The following CCDC141 variants were observed in gnomAD, a reference collection of about 807,000 sequenced individuals.
CCDC141 encodes coiled-coil domain containing 141, also known as coiled-coil domain-containing protein 141.
A neutral mutation model predicts 181.0 loss-of-function variants in CCDC141; 168 were observed. That is an observed-to-expected ratio of 0.93 (90% CI 0.82 to 1.05). The LOEUF (loss-of-function observed/expected upper bound fraction) is 1.05, where lower values mean the gene tolerates loss of function less well. CCDC141 is among the 50% of genes least tolerant of loss of function. CCDC141 has a pLI of 0.00. For missense variants in CCDC141, 1,902 were observed against 1,788.5 expected (o/e 1.06, Z -1.14); for synonymous variants, 666 against 642.3 (o/e 1.04, Z -0.56).
the CCDC141 span, among the ~76,000 whole-genome samples, chr2:178,821,915 C>A: frequency 6.6e-6 from 1 of 152,012 alleles, no homozygotes; most frequent in Non-Finnish European, 1.5e-5. Context: ...GGGTATATAC[C>A]CAAAGGACTA....
chr2:178,877,833 G>T (rs1045302567), intron 12 of CCDC141, 131 bp downstream of exon 12: 4 of 863,478 alleles, frequency 4.6e-6, no homozygotes, highest in Admixed American at 2.0e-5. Flanking sequence ...ACTGGTCTAG[G>T]TTGAATGAAG....
intron 8 of CCDC141, among the ~76,000 whole-genome samples, chr2:178,899,761 T>G (rs763843121): frequency 1.2e-4 from 19 of 152,190 alleles, no homozygotes; most frequent in Non-Finnish European, 2.2e-4. Flanking sequence ...TTTACATTGA[T>G]TTCCATTGCC....
intron 6 of CCDC141, among the ~76,000 whole-genome samples, chr2:178,923,096 A>AT (rs757686549): frequency 0.01 from 1,379 of 137,788 alleles, 16 homozygotes; most frequent in African/African-American, 0.033. Flanking sequence ...CCACCAGTTT[A>AT]TTTTTTTTTT....
At chr2:179,028,376 G>T in intron 2 of CCDC141, among the ~76,000 whole-genome samples, 1 of 152,060 alleles carries the variant, frequency 6.6e-6, no homozygotes, top group East Asian at 1.9e-4. Flanking sequence ...CAAAAGCTTC[G>T]CAGTCAGCAT....
intron 17 of CCDC141, among the ~76,000 whole-genome samples, chr2:178,861,737 A>T (rs1303544227): frequency 6.6e-6 from 1 of 151,888 alleles, no homozygotes; most frequent in Admixed American, 6.6e-5. Context: ...CTACCTTGGC[A>T]TCCCAAAGTG....
chr2:179,016,593 C>A (rs1047259461), intron 2 of CCDC141, among the ~76,000 whole-genome samples: 1 of 152,054 alleles, frequency 6.6e-6, no homozygotes, highest in Admixed American at 6.6e-5. Flanking sequence ...CGAATCTAAC[C>A]CAGTACCTGA....
At chr2:178,993,016 C>T (rs1692130385) in intron 2 of CCDC141, among the ~76,000 whole-genome samples, 2 of 152,174 alleles carry the variant, frequency 1.3e-5, no homozygotes, top group African/African-American at 4.8e-5. Context: ...AATTAAACCT[C>T]TTTCCTTTAT....
chr2:178,834,970 T>C (rs1684418813), intron 23 of CCDC141, among the ~76,000 whole-genome samples: 1 of 152,040 alleles, frequency 6.6e-6, no homozygotes, highest in African/African-American at 2.4e-5. Context: ...AAAATTGGAA[T>C]ATTGCATATG....
chr2:179,031,403 G>A (rs1440258134), intron 2 of CCDC141, among the ~76,000 whole-genome samples: 2 of 151,530 alleles, frequency 1.3e-5, no homozygotes, highest in Non-Finnish European at 2.9e-5. Flanking sequence ...TCCTTTCTCA[G>A]TCTGGCTGAG....
At chr2:179,015,690 C>CATATCTCATATAT (rs376619648) in intron 2 of CCDC141, among the ~76,000 whole-genome samples, 12 of 124,692 alleles carry the variant, frequency 9.6e-5, no homozygotes, top group African/African-American at 3.6e-4. Context: ...ATATCTCATA[C>CATATCTCATATAT]ATATCTCATA....
At chr2:178,955,507 G>A (rs1690122608) in intron 5 of CCDC141, among the ~76,000 whole-genome samples, 1 of 151,872 alleles carries the variant, frequency 6.6e-6, no homozygotes, top group Non-Finnish European at 1.5e-5. Context: ...TCAAATAGCA[G>A]AATACTATAC....
At chr2:178,963,120 G>A (rs1276480080) in intron 4 of CCDC141, among the ~76,000 whole-genome samples, 1 of 152,238 alleles carries the variant, frequency 6.6e-6, no homozygotes, top group Non-Finnish European at 1.5e-5. Context: ...GAATGCTTGA[G>A]TGAGAAGAAA....
At chr2:178,821,501 A>G in the CCDC141 span, among the ~76,000 whole-genome samples, 8 of 152,176 alleles carry the variant, frequency 5.3e-5, no homozygotes, top group Non-Finnish European at 5.9e-5. Flanking sequence ...TACCCCTTAG[A>G]GATCAGTGAG....
chr2:178,945,131 A>G (rs1311611606), intron 5 of CCDC141, among the ~76,000 whole-genome samples: 1 of 152,226 alleles, frequency 6.6e-6, no homozygotes, highest in Non-Finnish European at 1.5e-5. Context: ...ATCTGTATCC[A>G]GAAAATAGAG....
chr2:178,985,803 G>C (rs377579626), intron 2 of CCDC141, among the ~76,000 whole-genome samples: 1 of 151,850 alleles, frequency 6.6e-6, no homozygotes, highest in Non-Finnish European at 1.5e-5. Context: ...AATAACAGGA[G>C]CTGAAATTGT....
At chr2:178,930,017 GAAGGGGAAA>G (rs1320375327) in intron 6 of CCDC141, among the ~76,000 whole-genome samples, 2 of 152,064 alleles carry the variant, frequency 1.3e-5, no homozygotes, top group Admixed American at 1.3e-4. Context: ...AAAGAATATA[GAAGGGGAAA>G]CTTGCAGATG....
intron 2 of CCDC141, chr2:179,002,816 A>T (rs1276739184): frequency 6.5e-6 from 1 of 153,462 alleles, no homozygotes; most frequent in African/African-American, 2.4e-5. Context: ...TACACTCCCC[A>T]GAAAGAAGGT....
In CCDC141 at chr2:179,022,156, G is replaced by A. The variant is rs573514742; in HGVS notation, c.225+25128C>T. Among the ~76,000 whole-genome samples the A allele has an allele frequency of 2.6e-5, 4 of 152,228 alleles. No homozygotes were observed. The South Asian group carries it at 8.3e-4, about 32-fold the overall frequency. On this transcript the variant is annotated intron_variant, in intron 2 of 23. Transcript: ENST00000443758. ...TTTCTGCTGTTTGAGGGAGTGGTCT[G>A]TACGCTTGGATTTGTTTGGATTTCA...
chr2:178,943,304 T>A (rs1689594363), intron 6 of CCDC141, among the ~76,000 whole-genome samples: 1 of 152,144 alleles, frequency 6.6e-6, no homozygotes, highest in African/African-American at 2.4e-5. Flanking sequence ...AAATAATCAG[T>A]CATTATTAGT....
Sources: allele counts gnomAD v4.1 joint callset (sites outside exome capture counted in the v4.1 genomes callset), GRCh38; gene constraint gnomAD v4.1.1; transcripts MANE v1.5; gene names NCBI Gene and HGNC (gene_info 2026-07-23, HGNC 2026-07-21).